The following PAXIP1 variants were observed in gnomAD, a reference collection of about 807,000 sequenced individuals.
PAXIP1 encodes the protein PAX interacting protein 1, also known as PAX-interacting protein 1.
A neutral mutation model predicts 140.6 loss-of-function variants in PAXIP1; 19 were observed. The ratio of observed to expected loss-of-function variants is 0.14; its 90% CI spans 0.09 to 0.20. The LOEUF (loss-of-function observed/expected upper bound fraction) is 0.20, where lower values mean the gene tolerates loss of function less well. Ranked by LOEUF, PAXIP1 falls within the 10% of genes least tolerant of loss-of-function variation. The probability of loss-of-function intolerance (pLI) is 1.00; values close to 1 mark genes in which losing one functional copy is unlikely to be tolerated. For missense variants in PAXIP1, 920 were observed against 1,208.6 expected (o/e 0.76, Z 3.54); for synonymous variants, 442 against 444.6 (o/e 0.99, Z 0.07).
intron 6 of PAXIP1, among the ~76,000 whole-genome samples, chr7:154,971,388 G>A (rs1419083377): frequency 6.6e-6 from 1 of 152,250 alleles, no homozygotes; most frequent in Admixed American, 6.5e-5. Context: ...TTCAGGACAA[G>A]AGTCCCGGCT....
Position 154,946,385 on chromosome 7 carries a change from A to G in PAXIP1, c.3174T>C (p.Thr1058=). The change falls in exon 20 of 21, where the codon ACT becomes ACC. Residue 1058 remains threonine (T), a synonymous_variant. Coordinates refer to ENST00000404141, the MANE Select transcript of PAXIP1 (RefSeq NM_007349.4). The surrounding 1 kb of genome is among the most constrained non-coding windows in gnomAD (Gnocchi z 4.9). ...GATATGATTCATAGTCCAGCGTTTGAGTGAGCACTCCAGTCAGAACGAACT... is the reference window on the plus strand; with the variant it reads ...GATATGATTCATAGTCCAGCGTTTGGGTGAGCACTCCAGTCAGAACGAACT... ...NAEFVLTGVL[T]QTLDYESYKF... is the part of the protein sequence containing the mutation. The G allele has an allele frequency of 6.2e-7, 1 of 1,614,028 alleles. No individual in the cohort carries two copies. Among genetic ancestry groups the G allele is most frequent in the Non-Finnish European group, 8.5e-7 (1 of 1,179,876 alleles).
At position 154,973,947 on chromosome 7, in the gene PAXIP1, C is replaced by G. The variant is rs931846750; in HGVS notation, c.1074+1749G>C. Among the ~76,000 whole-genome samples the G allele has an allele frequency of 6.6e-6, 1 of 152,158 alleles. No individual in the cohort carries two copies. Among genetic ancestry groups the G allele is most frequent in the Non-Finnish European group, 1.5e-5 (1 of 68,030 alleles). On this transcript the variant is annotated intron_variant, in intron 6 of 20. Transcript: ENST00000404141. The surrounding 1 kb of genome is among the most constrained non-coding windows in gnomAD (Gnocchi z 4.0). ...GGGGTGTCACCATCAGATGGAACAG[C>G]CCAGCTGGCTCTCAATGGTGCGGCT...
chr7:154,993,607 T>C, intron 3 of PAXIP1, 119 bp downstream of exon 3: 1 of 757,458 alleles, frequency 1.3e-6, no homozygotes, highest in Non-Finnish European at 2.2e-6. Context: ...ATATAAGATG[T>C]AGACAAAACA....
chr7:154,977,797 T>G (rs937342526), intron 5 of PAXIP1, among the ~76,000 whole-genome samples: 1 of 152,230 alleles, frequency 6.6e-6, no homozygotes, highest in South Asian at 2.1e-4. Flanking sequence ...ATAGTCATAG[T>G]GAACAAATAC....
chr7:154,963,813 G>A lies in PAXIP1; in HGVS notation c.1894-47C>T, dbSNP rs545955810. 1 of 1,301,486 alleles carries A rather than the reference G, an allele frequency of 7.7e-7. No individual in the cohort carries two copies. Among genetic ancestry groups the A allele is most frequent in the Non-Finnish European group, 1.1e-6 (1 of 904,836 alleles). 80.6% of individuals were successfully genotyped at this position (1,301,486 alleles called of 1,614,324 possible). A position where few individuals can be genotyped will look rare whatever the true frequency, so the allele number is the denominator to read the frequency against. ...ATGCAGTCATCAATCACTCAGAATAGAGGAGAATTCCAATTTCAAATAAGG... is the reference window on the plus strand; with the variant it reads ...ATGCAGTCATCAATCACTCAGAATAAAGGAGAATTCCAATTTCAAATAAGG... On this transcript the variant is annotated intron_variant, in intron 8 of 20. Coordinates refer to ENST00000404141, the MANE Select transcript of PAXIP1 (RefSeq NM_007349.4). This position sits in a 1 kb window ranked among gnomAD's most constrained non-coding sequence, Gnocchi z 4.1.
At chr7:154,960,002 G>C (rs200780156) in intron 12 of PAXIP1, 69 bp from the exon 13 acceptor site, 2 of 984,712 alleles carry the variant, frequency 2.0e-6, no homozygotes, top group East Asian at 2.4e-5. Flanking sequence ...TTTTATAAAA[G>C]TCTTCCCTGA....
rs750463496 is a variant in PAXIP1, at chr7:154,975,905, A to C, written c.865T>G (p.Leu289Val). ...GGGACATTGGCACACAAGTTAATCAACCCAGGCTCCTTTCCCTGAGGCAGC... is the reference window on the plus strand; with the variant it reads ...GGGACATTGGCACACAAGTTAATCACCCCAGGCTCCTTTCCCTGAGGCAGC... ...RRLPQGKEPG[L>V]INLCANVPPV... The change falls in exon 6 of 21, where the codon TTG (leucine) becomes GTG (valine). Residue 289 changes from leucine to valine, a missense_variant. Leu to Val is a conservative substitution (Grantham distance 32). Coordinates refer to ENST00000404141, the MANE Select transcript of PAXIP1 (RefSeq NM_007349.4). The C allele has an allele frequency of 1.2e-6, 2 of 1,613,940 alleles. No individual in the cohort carries two copies.
chr7:154,979,212 T>C (rs539471826), intron 5 of PAXIP1, among the ~76,000 whole-genome samples: 60 of 152,320 alleles, frequency 3.9e-4, no homozygotes, highest in African/African-American at 1.3e-3. Context: ...GGGTCAACCA[T>C]GTCCCCTCTC....
intron 1 of PAXIP1, chr7:155,000,392 C>G (rs1467276235): frequency 1.3e-5 from 2 of 152,270 alleles, no homozygotes; most frequent in African/African-American, 4.8e-5. Context: ...ATCCTCCAGT[C>G]TGTTTCTGAT....
chr7:154,961,945 C>T (rs559410704), intron 10 of PAXIP1, among the ~76,000 whole-genome samples: 157 of 152,312 alleles, frequency 1.0e-3, no homozygotes, highest in Non-Finnish European at 1.8e-3. Context: ...CACGTAACCA[C>T]GAGCCAGCTC....
Position 154,963,764 on chromosome 7 carries a change from T to A in PAXIP1, c.1896A>T (p.Ile632=). The A allele has an allele frequency of 6.2e-7, 1 of 1,610,984 alleles. No individual in the cohort carries two copies. Among genetic ancestry groups the A allele is most frequent in the South Asian group, 1.1e-5 (1 of 90,610 alleles). ...DKQLLATWKR[I]IQAHGGTVDP... is the part of the protein sequence containing the mutation. ...CAACAGTGCCGCCATGTGCCTGGATTATCTACACACAAAGACCCGACCAAT... is the reference window on the plus strand; with the variant it reads ...CAACAGTGCCGCCATGTGCCTGGATAATCTACACACAAAGACCCGACCAAT... Residue 632 remains isoleucine (I), a splice_region_variant and synonymous_variant, in exon 9 of 21, where the codon ATA becomes ATT. Transcript: ENST00000404141. The surrounding 1 kb of genome is among the most constrained non-coding windows in gnomAD (Gnocchi z 4.1).
intron 2 of PAXIP1, among the ~76,000 whole-genome samples, chr7:154,995,998 G>A (rs548423030): frequency 6.6e-6 from 1 of 152,200 alleles, no homozygotes; most frequent in Non-Finnish European, 1.5e-5. Flanking sequence ...ATTCAAATAT[G>A]TAAATGATAG....
At chr7:154,961,784 A>C in intron 10 of PAXIP1, 136 bp from the exon 11 acceptor site, 4 of 772,760 alleles carry the variant, frequency 5.2e-6, no homozygotes, top group Non-Finnish European at 8.1e-6. Context: ...TGGTAATATC[A>C]TTCCTAAAAC....
chr7:154,992,633 G>A (rs1159735488), intron 3 of PAXIP1, among the ~76,000 whole-genome samples: 1 of 151,362 alleles, frequency 6.6e-6, no homozygotes, highest in African/African-American at 2.4e-5. Flanking sequence ...AAGGAGTCTT[G>A]TACAGAGAAT....
intron 6 of PAXIP1, among the ~76,000 whole-genome samples, chr7:154,972,732 C>T (rs552036012): frequency 2.6e-5 from 4 of 152,322 alleles, no homozygotes; most frequent in South Asian, 2.1e-4. Context: ...GCCCATATCT[C>T]GCATATCCCA....
chr7:154,951,854 A>G (rs1320225985), intron 16 of PAXIP1: 1 of 152,230 alleles, frequency 6.6e-6, no homozygotes, highest in Non-Finnish European at 1.5e-5. Context: ...GAAAGTAACA[A>G]AAAAGATCTC....
At chr7:154,961,386 CATT>C in intron 11 of PAXIP1, 138 bp downstream of exon 11, 1 of 657,898 alleles carries the variant, frequency 1.5e-6, no homozygotes, top group Non-Finnish European at 2.5e-6. Context: ...ATTACTATAT[CATT>C]GTCATACTTT....
In PAXIP1 at chr7:154,968,479, C is replaced by T. The variant is rs376820885; in HGVS notation, c.1722G>A (p.Pro574=). The T allele has an allele frequency of 1.8e-5, 23 of 1,246,140 alleles. No individual in the cohort carries two copies. Among genetic ancestry groups the T allele is most frequent in the Admixed American group, 7.9e-5 (4 of 50,532 alleles). The allele number at this position is 1,246,140 out of a possible 1,614,324, so 77.2% of individuals were successfully genotyped here. Residue 574 remains proline (P), a synonymous_variant, in exon 7 of 21, where the codon CCG becomes CCA. Transcript: ENST00000404141. The part of the protein sequence containing the change: ...LQHQVPPQQP[P]QQQQQQQPPP... ...GTGGCTGCTGTTGCTGCTGCTGCTG[C>T]GGGGGCTGCTGAGGTGGAACCTGAT... is the stretch of plus-strand genomic sequence containing the variant.
rs778733914 is a variant in PAXIP1, at chr7:154,944,049, T to G, written c.*100A>C. On this transcript the variant is annotated 3_prime_UTR_variant, in exon 21 of 21. Transcript: ENST00000404141. ...CAGTCTGATCCCCCAGGAAAGCAGC[T>G]GGAAAACAAGAGCATGTGAAGGAAG... 1 of 1,107,194 alleles carries G rather than the reference T, an allele frequency of 9.0e-7. No homozygotes were observed. The highest frequency in any genetic ancestry group is 1.3e-5 in the South Asian group (1 of 76,846). The allele number at this position is 1,107,194 out of a possible 1,614,324, so 68.6% of individuals were successfully genotyped here. A position where few individuals can be genotyped will look rare whatever the true frequency, so the allele number is the denominator to read the frequency against.
Sources: allele counts gnomAD v4.1 joint callset (sites outside exome capture counted in the v4.1 genomes callset), GRCh38; gene constraint gnomAD v4.1.1; non-coding constraint Gnocchi (gnomAD v3.1); transcripts MANE v1.5; gene names NCBI Gene and HGNC (gene_info 2026-07-23, HGNC 2026-07-21).